The following TNFSF15 variants were observed in gnomAD, a reference collection of about 807,000 sequenced individuals.
TNFSF15 encodes TNF superfamily member 15, also known as tumor necrosis factor ligand superfamily member 15.
In TNFSF15, 15 loss-of-function variants were observed where a neutral mutation model predicts 26.4. The ratio of observed to expected loss-of-function variants is 0.57; its 90% CI spans 0.38 to 0.87. The LOEUF is 0.87. Ranked by LOEUF, TNFSF15 falls within the 40% of genes least tolerant of loss-of-function variation. TNFSF15 has a pLI of 0.00. For missense variants in TNFSF15, 290 were observed against 306.1 expected (o/e 0.95, Z 0.39); for synonymous variants, 116 against 115.0 (o/e 1.01, Z -0.06).
intron 1 of TNFSF15, among the ~76,000 whole-genome samples, chr9:114,796,082 G>A (rs1013055443): frequency 3.9e-5 from 6 of 152,146 alleles, no homozygotes; most frequent in Non-Finnish European, 7.3e-5. Flanking sequence ...CACCATTACT[G>A]CTTTCTCTCG....
intron 1 of TNFSF15, among the ~76,000 whole-genome samples, chr9:114,798,703 C>T (rs1367203662): frequency 6.6e-6 from 1 of 152,162 alleles, no homozygotes; most frequent in African/African-American, 2.4e-5. Flanking sequence ...AGTACAGACC[C>T]TGGCACATAT....
At chr9:114,804,865 C>T (rs1829796987) in intron 1 of TNFSF15, among the ~76,000 whole-genome samples, 3 of 152,152 alleles carry the variant, frequency 2.0e-5, no homozygotes, top group Non-Finnish European at 4.4e-5. Context: ...GCTAGGTTTC[C>T]AGTTAAACCC....
intron 1 of TNFSF15, among the ~76,000 whole-genome samples, chr9:114,798,969 C>T (rs1159247425): frequency 3.3e-5 from 5 of 152,212 alleles, no homozygotes; most frequent in Non-Finnish European, 7.3e-5. Flanking sequence ...AACATCCTCC[C>T]AGCACTTCCA....
At chr9:114,794,581 A>G (rs1564345417) in intron 1 of TNFSF15, among the ~76,000 whole-genome samples, 1 of 152,206 alleles carries the variant, frequency 6.6e-6, no homozygotes, top group Admixed American at 6.5e-5. Context: ...ATGCTTATTG[A>G]AAGACTATTC....
chr9:114,804,588 G>A (rs1177831808), intron 1 of TNFSF15, among the ~76,000 whole-genome samples: 7 of 152,218 alleles, frequency 4.6e-5, no homozygotes, highest in African/African-American at 1.7e-4. Context: ...ACTGGGCGCT[G>A]CAGTTTGACT....
chr9:114,790,662 G>C lies in TNFSF15; in HGVS notation c.546C>G (p.Thr182=). Residue 182 remains threonine (T), a synonymous_variant, in exon 4 of 4, where the codon ACC becomes ACG. Coordinates refer to ENST00000374045, the MANE Select transcript of TNFSF15 (RefSeq NM_005118.4). ...NKPDSITVVI[T]KVTDSYPEPT... is the part of the protein sequence containing the mutation. ...GCTCAGGGTAGCTGTCTGTTACCTTGGTGATGACCACAGTGATGGAGTCTG... is the reference window on the plus strand; with the variant it reads ...GCTCAGGGTAGCTGTCTGTTACCTTCGTGATGACCACAGTGATGGAGTCTG... 2.5e-6 allele frequency: 4 copies of C among 1,614,056 alleles called. No homozygotes were observed. The highest frequency in any genetic ancestry group is 3.4e-6 in the Non-Finnish European group (4 of 1,180,008).
In TNFSF15 at chr9:114,790,429, A is replaced by G. The variant is rs1829576222; in HGVS notation, c.*23T>C. The G allele has an allele frequency of 6.5e-7, 1 of 1,543,044 alleles. No homozygotes were observed. The highest frequency in any genetic ancestry group is 1.4e-5 in the African/African-American group (1 of 72,316). ...AGGAACTCGGTGGCAGAGGACTTTC[A>G]TATAATGATATTTGCTCTCCTCCTA... On this transcript the variant is annotated 3_prime_UTR_variant, in exon 4 of 4. Transcript: ENST00000374045.
rs922138870 is a variant in TNFSF15 at position 114,788,251 on chromosome 9, A to G, written c.*2201T>C. 1 of 153,720 alleles carries G rather than the reference A, an allele frequency of 6.5e-6. No homozygotes were observed. Among genetic ancestry groups the G allele is most frequent in the East Asian group, 1.9e-4 (1 of 5,184 alleles). 9.5% of individuals were successfully genotyped at this position (153,720 alleles called of 1,614,324 possible). On this transcript the variant is annotated 3_prime_UTR_variant, in exon 4 of 4. Transcript: ENST00000374045. Reference sequence around the variant, plus strand: ...GTCAAGGGTAATTCCTCCATCTGAGATGCCCTTTCCCTGTGGTCATCTGGG... The same window carrying G: ...GTCAAGGGTAATTCCTCCATCTGAGGTGCCCTTTCCCTGTGGTCATCTGGG...
chr9:114,793,064 G>A (rs1432210857), intron 2 of TNFSF15, among the ~76,000 whole-genome samples: 1 of 152,102 alleles, frequency 6.6e-6, no homozygotes, highest in African/African-American at 2.4e-5. Context: ...GTTGGATTAG[G>A]CATGGTCTAA....
Position 114,787,542 on chromosome 9 carries a change from C to T in TNFSF15, c.*2910G>A, listed in dbSNP as rs1015422785. On this transcript the variant is annotated 3_prime_UTR_variant, in exon 4 of 4. Transcript: ENST00000374045. ...TGACATTTAACCAACAAAGCATTTT[C>T]TCCCTAAATTTACTGTTTTCTAAAG... 1 of 152,236 alleles carries T rather than the reference C, an allele frequency of 6.6e-6. No homozygotes were observed. The highest frequency in any genetic ancestry group is 2.4e-5 in the African/African-American group (1 of 41,446). The allele number at this position is 152,236 out of a possible 1,614,324, so 9.4% of individuals were successfully genotyped here.
In TNFSF15 at chr9:114,793,518, A is replaced by T. The variant is rs1245456684; in HGVS notation, c.253+8T>A. The T allele has an allele frequency of 6.2e-7, 1 of 1,613,664 alleles. No homozygotes were observed. The highest frequency in any genetic ancestry group is 1.3e-5 in the African/African-American group (1 of 74,920). ...ACGAGGAAAGGCGTTGAAGATGAGCATACTTACAAACTTGCTGATGTGAAG... is the reference window on the plus strand; with the variant it reads ...ACGAGGAAAGGCGTTGAAGATGAGCTTACTTACAAACTTGCTGATGTGAAG... On this transcript the variant is annotated splice_region_variant and intron_variant, in intron 2 of 3. Coordinates refer to ENST00000374045, the MANE Select transcript of TNFSF15 (RefSeq NM_005118.4).
In TNFSF15 at chr9:114,785,234, GTGGATGTGA is replaced by G. The variant is rs2131299294; in HGVS notation, c.*5209_*5217del. ...CACTGGCCACGAAGGGTGACAGGGTGTGGATGTGATGGCTCCCTCTGAGCCTGGGTTTCT... is the reference window on the plus strand; with the variant it reads ...CACTGGCCACGAAGGGTGACAGGGTGTGGCTCCCTCTGAGCCTGGGTTTCT... On this transcript the variant is annotated 3_prime_UTR_variant, in exon 4 of 4. Coordinates refer to ENST00000374045, the MANE Select transcript of TNFSF15 (RefSeq NM_005118.4). 1 of 152,402 alleles carries G rather than the reference GTGGATGTGA, an allele frequency of 6.6e-6. No homozygotes were observed. The highest frequency in any genetic ancestry group is 2.1e-4 in the South Asian group (1 of 4,834). 9.4% of individuals were successfully genotyped at this position (152,402 alleles called of 1,614,324 possible).
chr9:114,796,616 C>T (rs1201700644), intron 1 of TNFSF15, among the ~76,000 whole-genome samples: 1 of 152,164 alleles, frequency 6.6e-6, no homozygotes, highest in Non-Finnish European at 1.5e-5. Flanking sequence ...TCTTAGAGGT[C>T]CTGCAGGTAC....
chr9:114,798,932 C>A (rs567533856), intron 1 of TNFSF15, among the ~76,000 whole-genome samples: 1 of 152,324 alleles, frequency 6.6e-6, no homozygotes, highest in South Asian at 2.1e-4. Context: ...GCTGTAATTG[C>A]AAAGGCATAA....
At chr9:114,792,513 G>A in intron 2 of TNFSF15, 59 bp from the exon 3 acceptor site, 2 of 1,611,718 alleles carry the variant, frequency 1.2e-6, no homozygotes, top group Non-Finnish European at 8.5e-7. Context: ...AATGAAGACG[G>A]CCCTTTGTGA....
At chr9:114,798,720 C>A (rs749027823) in intron 1 of TNFSF15, among the ~76,000 whole-genome samples, 1 of 152,118 alleles carries the variant, frequency 6.6e-6, no homozygotes, top group Non-Finnish European at 1.5e-5. Flanking sequence ...ATATTGGGAG[C>A]TTCATAAACA....
At chr9:114,802,146 G>A (rs1162298842) in intron 1 of TNFSF15, among the ~76,000 whole-genome samples, 1 of 152,174 alleles carries the variant, frequency 6.6e-6, no homozygotes, top group Non-Finnish European at 1.5e-5. Context: ...TGCCTGTGAT[G>A]TGCATCACAT....
In TNFSF15 at chr9:114,788,581, A is replaced by G. The variant is rs1453505988; in HGVS notation, c.*1871T>C. On this transcript the variant is annotated 3_prime_UTR_variant, in exon 4 of 4. Transcript: ENST00000374045. The stretch of plus-strand genomic sequence containing the variant: ...GCCTCTCAAATGCCTCTCTGCCTCT[A>G]TAGTCTACTGGAAACCAGAGTGAGA... The G allele has an allele frequency of 6.6e-6, 1 of 152,210 alleles. No homozygotes were observed. Among genetic ancestry groups the G allele is most frequent in the African/African-American group, 2.4e-5 (1 of 41,458 alleles). The allele number at this position is 152,210 out of a possible 1,614,324, so 9.4% of individuals were successfully genotyped here.
chr9:114,787,580 T>C lies in TNFSF15; in HGVS notation c.*2872A>G, dbSNP rs1397615546. The stretch of plus-strand genomic sequence containing the variant: ...CTGTTTTCTAAAGCATGCTTCTTCC[T>C]CCCTCCCAAACCCTGAATACACCCC... On this transcript the variant is annotated 3_prime_UTR_variant, in exon 4 of 4. Transcript: ENST00000374045. 1 of 152,704 alleles carries C rather than the reference T, an allele frequency of 6.5e-6. No homozygotes were observed. The highest frequency in any genetic ancestry group is 1.5e-5 in the Non-Finnish European group (1 of 68,036). The allele number at this position is 152,704 out of a possible 1,614,324, so 9.5% of individuals were successfully genotyped here. A position where few individuals can be genotyped will look rare whatever the true frequency, so the allele number is the denominator to read the frequency against.
Sources: gnomAD v4.1 joint callset for allele counts (sites outside exome capture counted in the v4.1 genomes callset) on GRCh38, gnomAD v4.1.1 for gene constraint, MANE v1.5 for transcripts, NCBI Gene and HGNC (gene_info 2026-07-23, HGNC 2026-07-21) for gene names.